The following SOX6 variants were observed in gnomAD, a reference collection of about 807,000 sequenced individuals.
The protein encoded by SOX6 is SRY-box transcription factor 6, also known as transcription factor SOX-6.
Under a neutral mutation model 97.8 loss-of-function variants are expected in SOX6, and 11 were observed. That is an observed-to-expected ratio of 0.11 (90% CI 0.07 to 0.19). The LOEUF (loss-of-function observed/expected upper bound fraction) is 0.19. SOX6 is among the 10% of genes least tolerant of loss of function. The pLI is 1.00. For synonymous variants in SOX6, 360 were observed against 371.4 expected, an observed-to-expected ratio of 0.97 and a Z score of 0.35; for missense variants, 810 against 1,039.5, an observed-to-expected ratio of 0.78 and a Z score of 3.04.
intron 9 of SOX6, among the ~76,000 whole-genome samples, chr11:16,060,156 T>C (rs2133927005): frequency 6.6e-6 from 1 of 150,896 alleles, no homozygotes; most frequent in South Asian, 2.1e-4. Flanking sequence ...TTTTTGGAAA[T>C]ACATCTATTT....
At chr11:16,662,045 A>G (rs1350464824) in intron 3 of SOX6, among the ~76,000 whole-genome samples, 1 of 152,226 alleles carries the variant, frequency 6.6e-6, no homozygotes, top group African/African-American at 2.4e-5. Context: ...TATCTATTAA[A>G]TCATCTAAAA....
intron 1 of SOX6, among the ~76,000 whole-genome samples, chr11:16,439,652 C>T (rs1183205930): frequency 6.6e-6 from 1 of 152,166 alleles, no homozygotes; most frequent in Admixed American, 6.5e-5. Flanking sequence ...TGGCAGAGTT[C>T]AGATCTTGAG....
intron 1 of SOX6, among the ~76,000 whole-genome samples, chr11:16,410,885 T>C (rs1434253270): frequency 1.3e-5 from 2 of 151,704 alleles, no homozygotes; most frequent in Non-Finnish European, 2.9e-5. Flanking sequence ...CTTATTGTTT[T>C]AACATAACTT....
chr11:16,048,884 T>A (rs1847611364), intron 11 of SOX6, among the ~76,000 whole-genome samples: 2 of 152,116 alleles, frequency 1.3e-5, no homozygotes, highest in African/African-American at 4.8e-5. Context: ...GTAACAATAA[T>A]GTTAATGCTT....
At position 16,079,671 on chromosome 11, in the gene SOX6, C is replaced by T. The variant is rs559421945; in HGVS notation, c.1101+16325G>A. 1.6e-4 allele frequency among the ~76,000 whole-genome samples: 25 copies of T among 152,068 alleles called. No individual in the cohort carries two copies. The South Asian group carries it at 4.2e-3, about 25-fold the overall frequency. On this transcript the variant is annotated intron_variant, in intron 9 of 15. Transcript: ENST00000683767. ...AGACTAGACAAGAAATATAAAATAT[C>T]GTCTTCTTACTTTCTTCTTACATTT...
At chr11:16,301,787 G>GA (rs1180637158) in intron 3 of SOX6, among the ~76,000 whole-genome samples, 4 of 151,158 alleles carry the variant, frequency 2.6e-5, no homozygotes, top group South Asian at 2.1e-4. Flanking sequence ...GAGTATCTAA[G>GA]AAAAAAAAAT....
chr11:16,587,637 T>C (rs1348144984), intron 4 of SOX6, among the ~76,000 whole-genome samples: 1 of 152,220 alleles, frequency 6.6e-6, no homozygotes, highest in African/African-American at 2.4e-5. Flanking sequence ...CAGAAATCTG[T>C]TCATTTATTA....
intron 13 of SOX6, among the ~76,000 whole-genome samples, chr11:16,009,167 G>A (rs1854641356): frequency 6.6e-6 from 1 of 151,788 alleles, no homozygotes; most frequent in Admixed American, 6.6e-5. Flanking sequence ...ACCTTCTTGG[G>A]CAAAGGCATG....
Position 15,989,197 on chromosome 11 carries a change from A to T in SOX6, c.1766T>A (p.Leu589Gln), listed in dbSNP as rs1204046681. The T allele has an allele frequency of 6.2e-7, 1 of 1,612,480 alleles. No homozygotes were observed. Among genetic ancestry groups the T allele is most frequent in the Admixed American group, 1.7e-5 (1 of 59,992 alleles). The change falls in exon 14 of 16, where the codon CTA (leucine) becomes CAA (glutamine). Residue 589 changes from leucine (L) to glutamine (Q), a missense_variant. This residue lies in a region of SOX6 where 120 missense variants were observed against 127.0 expected (regional missense o/e 0.94). Coordinates refer to ENST00000683767, the MANE Select transcript of SOX6 (RefSeq NM_001367873.1). The stretch of plus-strand genomic sequence containing the variant: ...TGTTGGCCAACAATAATACTGCTGT[A>T]GTTTAGCTGCAGAGCCATTCATTGC... ...SKAMNGSAAK[L>Q]QQYYCWPTGG... is the part of the protein sequence containing the mutation.
At chr11:16,547,589 G>A (rs1325533014) in intron 4 of SOX6, among the ~76,000 whole-genome samples, 2 of 152,058 alleles carry the variant, frequency 1.3e-5, no homozygotes, top group African/African-American at 4.8e-5. Flanking sequence ...AGAGCTAAAA[G>A]AGGTTAATCA....
chr11:15,980,964 G>A (rs1369960514), intron 15 of SOX6, among the ~76,000 whole-genome samples: 2 of 151,988 alleles, frequency 1.3e-5, no homozygotes, highest in Non-Finnish European at 2.9e-5. Flanking sequence ...AAACTCATGT[G>A]TACAGAAATA....
chr11:16,638,430 A>G (rs1371606897), intron 3 of SOX6, among the ~76,000 whole-genome samples: 1 of 152,160 alleles, frequency 6.6e-6, no homozygotes, highest in East Asian at 1.9e-4. Context: ...AAAGGATTAT[A>G]CCCAGTAATG....
rs199533091 is a variant in SOX6, at chr11:16,049,943, A to G, written c.1252-5T>C. 1.9e-6 allele frequency: 3 copies of G among 1,613,404 alleles called. No individual in the cohort carries two copies. Among genetic ancestry groups the G allele is most frequent in the Non-Finnish European group, 1.7e-6 (2 of 1,179,600 alleles). ...AGGCTGTGCTGCTGCTTCATCCTAC[A>G]AGAGTTTAACGTAAATAATTATTTT... On this transcript the variant is annotated splice_region_variant and splice_polypyrimidine_tract_variant and intron_variant, in intron 10 of 15. Transcript: ENST00000683767.
At chr11:16,055,695 T>C (rs1847796824) in intron 10 of SOX6, 57 bp downstream of exon 10, 1 of 1,610,242 alleles carries the variant, frequency 6.2e-7, no homozygotes, top group Non-Finnish European at 8.5e-7. Flanking sequence ...TGCTTCACTA[T>C]CTTTCTTGTG....
chr11:16,736,344 G>A, exon 2 of SOX6: 1 of 152,198 alleles, frequency 6.6e-6, no homozygotes, highest in East Asian at 1.9e-4. Flanking sequence ...CTTACCTATA[G>A]CCTTCTGTAT....
At chr11:16,139,938 C>A (rs1383784054) in intron 6 of SOX6, among the ~76,000 whole-genome samples, 1 of 143,032 alleles carries the variant, frequency 7.0e-6, no homozygotes, top group African/African-American at 2.6e-5. Flanking sequence ...AAGTAAAAAA[C>A]CTGGCTCATA....
chr11:16,194,773 C>A (rs1188480515), intron 4 of SOX6, among the ~76,000 whole-genome samples: 2 of 152,182 alleles, frequency 1.3e-5, no homozygotes, highest in African/African-American at 2.4e-5. Context: ...AGAGCAAGAA[C>A]AATCCATGGA....
intron 6 of SOX6, among the ~76,000 whole-genome samples, chr11:16,150,591 C>T (rs1850434198): frequency 6.6e-6 from 1 of 152,146 alleles, no homozygotes; most frequent in East Asian, 1.9e-4. Flanking sequence ...GTCTCTCGGG[C>T]TGAAAGATGA....
At chr11:16,187,371 G>C (rs1851508529) in intron 4 of SOX6, among the ~76,000 whole-genome samples, 1 of 152,050 alleles carries the variant, frequency 6.6e-6, no homozygotes, top group African/African-American at 2.4e-5. Context: ...AGACATAGTA[G>C]GTGCTTAATA....
Sources: gnomAD v4.1 joint callset for allele counts (sites outside exome capture counted in the v4.1 genomes callset) on GRCh38, gnomAD v4.1.1 for gene constraint, gnomAD v4.1.1 regional missense constraint, MANE v1.5 for transcripts, NCBI Gene and HGNC (gene_info 2026-07-23, HGNC 2026-07-21) for gene names.